Variants in TNFRSF10A observed in about 807,000 individuals in gnomAD.
TNFRSF10A encodes TNF receptor superfamily member 10a, also known as tumor necrosis factor receptor superfamily member 10A.
TNFRSF10A carries 44 observed loss-of-function variants against 42.8 expected under a neutral mutation model. That is an observed-to-expected ratio of 1.03 (90% confidence interval 0.81 to 1.32). TNFRSF10A has a LOEUF of 1.32. Ranked by LOEUF, TNFRSF10A falls within the 40% of genes most tolerant of loss-of-function variation. The pLI is 0.00. For synonymous variants in TNFRSF10A, 259 were observed against 234.2 expected (o/e 1.11, Z -0.97); for missense variants, 680 against 602.0 (o/e 1.13, Z -1.36).
rs2128848053 is a variant in TNFRSF10A, at chr8:23,201,802, T to C, written c.629+6A>G. On this transcript the variant is annotated splice_donor_region_variant and intron_variant, in intron 4 of 9. Coordinates refer to ENST00000221132, the MANE Select transcript of TNFRSF10A (RefSeq NM_003844.4). ...GCTGCTGGGAGCCCCTTGGCTGTTG[T>C]CTCACCCTCTGCTGCACTTCCGGCA... The C allele has an allele frequency of 6.2e-7, 1 of 1,613,804 alleles. No individual in the cohort carries two copies. Among genetic ancestry groups the C allele is most frequent in the Non-Finnish European group, 8.5e-7 (1 of 1,179,776 alleles).
intron 1 of TNFRSF10A, 48 bp from the exon 2 acceptor site, chr8:23,212,260 C>A (rs886919427): frequency 6.7e-7 from 1 of 1,501,260 alleles, no homozygotes; most frequent in Non-Finnish European, 9.3e-7. Context: ...CAGATCTCAC[C>A]CATTACAAGA....
rs1373051218 is a variant in TNFRSF10A, at chr8:23,191,960, C to T, written c.1141G>A (p.Asp381Asn). 1.2e-6 allele frequency: 2 copies of T among 1,614,166 alleles called. No individual in the cohort carries two copies. The highest frequency in any genetic ancestry group is 1.1e-5 in the South Asian group (1 of 91,074). Residue 381 changes from aspartate (D) to asparagine (N), a missense_variant, in exon 10 of 10, where the codon GAC (aspartate) becomes AAC (asparagine). Coordinates refer to ENST00000221132, the MANE Select transcript of TNFRSF10A (RefSeq NM_003844.4). ...FANIVPFDSWDQLMRQLDLTK... is the reference protein window; with the variant it reads ...FANIVPFDSWNQLMRQLDLTK... ...AGGTCCAGCTGCCTCATGAGCTGGT[C>T]CCAGGAGTCAAAGGGCACGATGTTT... is the stretch of plus-strand genomic sequence containing the variant.
At chr8:23,223,187 T>TCCAGGCCCTGCTGCCTGCTGCCTCCAGG (rs1801281048) in intron 1 of TNFRSF10A, among the ~76,000 whole-genome samples, 1 of 152,206 alleles carries the variant, frequency 6.6e-6, no homozygotes, top group Non-Finnish European at 1.5e-5. Context: ...CGCCTCAGCC[T>TCCAGGCCCTGCTGCCTGCTGCCTCCAGG]CCCGAGTAGC....
chr8:23,197,258 G>A, intron 8 of TNFRSF10A, 54 bp from the exon 9 acceptor site: 1 of 1,608,190 alleles, frequency 6.2e-7, no homozygotes, highest in Non-Finnish European at 8.5e-7. Context: ...CTGCAGTCTA[G>A]TACTGACTCT....
chr8:23,221,189 C>T (rs1321876449), intron 1 of TNFRSF10A, among the ~76,000 whole-genome samples: 1 of 152,168 alleles, frequency 6.6e-6, no homozygotes, highest in Non-Finnish European at 1.5e-5. Flanking sequence ...GTGACTGACA[C>T]CAGCCCTGAG....
chr8:23,207,163 T>G, intron 2 of TNFRSF10A: 1 of 598,408 alleles, frequency 1.7e-6, no homozygotes, highest in South Asian at 1.4e-5. Context: ...ATGAAGAAGA[T>G]AGAAGACGAC....
In TNFRSF10A at chr8:23,200,768, C is replaced by T. The variant is rs1269504000; in HGVS notation, c.630-8G>A. The T allele has an allele frequency of 2.3e-6, 3 of 1,314,058 alleles. No individual in the cohort carries two copies. The highest frequency in any genetic ancestry group is 1.7e-5 in the Admixed American group (1 of 58,616). 81.4% of individuals were successfully genotyped at this position (1,314,058 alleles called of 1,614,324 possible). A position where few individuals can be genotyped will look rare whatever the true frequency, so the allele number is the denominator to read the frequency against. ...ACCATCCCTCTGGGGCACCTGGGTA[C>T]ACACAGGGAGGGAGGGGGGGGACTC... On this transcript the variant is annotated splice_polypyrimidine_tract_variant and splice_region_variant and intron_variant, in intron 4 of 9. Coordinates refer to ENST00000221132, the MANE Select transcript of TNFRSF10A (RefSeq NM_003844.4).
At chr8:23,213,103 T>C (rs1402604847) in intron 1 of TNFRSF10A, among the ~76,000 whole-genome samples, 1 of 152,218 alleles carries the variant, frequency 6.6e-6, no homozygotes. Flanking sequence ...TCTCTATTTC[T>C]TCATGATTGA....
intron 9 of TNFRSF10A, among the ~76,000 whole-genome samples, chr8:23,194,885 G>A (rs111944291): frequency 1.4e-4 from 22 of 152,270 alleles, no homozygotes; most frequent in African/African-American, 5.3e-4. Context: ...AGGCGCATTG[G>A]CTCATGTCTG....
rs550423004 is a variant in TNFRSF10A, at chr8:23,203,902, G to A, written c.404-1141C>T. Reference sequence around the variant, plus strand: ...AGCGATTCTCCTGCCTCAGCCTCCCGAGTAGCTGGGACTACAGGAGCGTGC... The same window carrying A: ...AGCGATTCTCCTGCCTCAGCCTCCCAAGTAGCTGGGACTACAGGAGCGTGC... On this transcript the variant is annotated intron_variant, in intron 2 of 9. Transcript: ENST00000221132. Among the ~76,000 whole-genome samples the A allele has an allele frequency of 1.3e-4, 19 of 151,094 alleles. 2 individuals carry two copies. Among genetic ancestry groups the A allele is most frequent in the South Asian group, 1.0e-3 (5 of 4,792 alleles).
intron 9 of TNFRSF10A, among the ~76,000 whole-genome samples, chr8:23,194,938 C>T (rs1800801846): frequency 6.6e-6 from 1 of 152,154 alleles, no homozygotes; most frequent in African/African-American, 2.4e-5. Flanking sequence ...GAATGTCTAT[C>T]ACTTGAGGCC....
chr8:23,218,489 T>C (rs1394698639), intron 1 of TNFRSF10A, among the ~76,000 whole-genome samples: 1 of 152,172 alleles, frequency 6.6e-6, no homozygotes, highest in East Asian at 1.9e-4. Context: ...GGCTTTTTTA[T>C]TTCTTTGTTC....
intron 2 of TNFRSF10A, among the ~76,000 whole-genome samples, chr8:23,205,440 GATA>G (rs1321672365): frequency 2.0e-5 from 3 of 152,088 alleles, no homozygotes; most frequent in African/African-American, 7.2e-5. Context: ...ATTTGATAAT[GATA>G]ATAAATGACT....
rs867677143 is a variant in TNFRSF10A, at chr8:23,199,767, C to T, written c.831+119G>A. The T allele has an allele frequency of 6.4e-5, 89 of 1,394,774 alleles. 2 individuals are homozygous for T. In the Middle Eastern group the frequency reaches 3.4e-3, roughly 54 times the overall value. 86.4% of individuals were successfully genotyped at this position (1,394,774 alleles called of 1,614,324 possible). On this transcript the variant is annotated intron_variant, in intron 7 of 9. Transcript: ENST00000221132. ...CATAGTCAATGCACAGCATCCAGGCCACTTCAGAGACTCAGGGCAGCCATG... is the reference window on the plus strand; with the variant it reads ...CATAGTCAATGCACAGCATCCAGGCTACTTCAGAGACTCAGGGCAGCCATG...
intron 5 of TNFRSF10A, 40 bp downstream of exon 5, chr8:23,200,647 G>A (rs1225637902): frequency 2.5e-6 from 4 of 1,613,958 alleles, no homozygotes; most frequent in East Asian, 4.5e-5. Flanking sequence ...GCTGGTCCCT[G>A]TCTCCTCTGC....
chr8:23,224,830 G>T lies in TNFRSF10A; in HGVS notation c.232C>A (p.Pro78Thr). ...AGCCGAGGGCTGGCTTCCCGCGCCG[G>T]CCTGGGTCCTGGGGCGCGCCCTGCC... ...ARAGRAPGPR[P>T]AREASPRLRV... The change falls in exon 1 of 10, where the codon CCG (proline) becomes ACG (threonine). Residue 78 changes from proline to threonine, a missense_variant. Coordinates refer to ENST00000221132, the MANE Select transcript of TNFRSF10A (RefSeq NM_003844.4). The T allele has an allele frequency of 6.4e-7, 1 of 1,566,150 alleles. No homozygotes were observed. The highest frequency in any genetic ancestry group is 8.7e-7 in the Non-Finnish European group (1 of 1,155,836).
chr8:23,201,947 ATG>A (rs1461037974), intron 3 of TNFRSF10A, 28 bp from the exon 4 acceptor site: 1 of 1,604,846 alleles, frequency 6.2e-7, no homozygotes, highest in Admixed American at 1.7e-5. Flanking sequence ...GGTTTTGGGA[ATG>A]TGTTTCCCTG....
intron 8 of TNFRSF10A, among the ~76,000 whole-genome samples, chr8:23,198,799 C>T (rs1800865668): frequency 2.6e-5 from 4 of 152,276 alleles, no homozygotes; most frequent in South Asian, 4.1e-4. Flanking sequence ...ACACAGTAAG[C>T]AGCACTGTTA....
chr8:23,212,569 A>T (rs574372883), intron 1 of TNFRSF10A, among the ~76,000 whole-genome samples: 2 of 152,222 alleles, frequency 1.3e-5, no homozygotes, highest in African/African-American at 4.8e-5. Context: ...ATTCCTTTCC[A>T]TTGTGTGTAT....
Sources: gnomAD v4.1 joint callset for allele counts (sites outside exome capture counted in the v4.1 genomes callset) on GRCh38, gnomAD v4.1.1 for gene constraint, MANE v1.5 for transcripts, NCBI Gene and HGNC (gene_info 2026-07-23, HGNC 2026-07-21) for gene names.